Variants in SCIMP observed in about 807,000 individuals in gnomAD.
SCIMP encodes the protein SLP adaptor and CSK interacting membrane protein, also known as SLP adapter and CSK-interacting membrane protein.
SCIMP carries 18 observed loss-of-function variants against 22.0 expected under a neutral mutation model. The ratio of observed to expected loss-of-function variants is 0.82; its 90% CI spans 0.56 to 1.21. The LOEUF (loss-of-function observed/expected upper bound fraction) is 1.21. SCIMP is among the 50% of genes most tolerant of loss of function. SCIMP has a pLI of 0.00. For synonymous variants in SCIMP, 53 were observed against 62.2 expected (o/e 0.85, Z 0.70); for missense variants, 155 against 171.2 (o/e 0.91, Z 0.53).
intron 1 of SCIMP, among the ~76,000 whole-genome samples, chr17:5,224,331 G>A (rs1265779347): frequency 1.3e-5 from 2 of 151,982 alleles, no homozygotes; most frequent in African/African-American, 4.8e-5. Flanking sequence ...TAGAGACGGG[G>A]TTTCACCGTG....
intron 1 of SCIMP, among the ~76,000 whole-genome samples, chr17:5,232,895 A>T (rs1310125660): frequency 6.6e-6 from 1 of 152,062 alleles, no homozygotes; most frequent in African/African-American, 2.4e-5. Context: ...TATTTTTAGT[A>T]GAGATGGGGT....
Position 5,210,957 on chromosome 17 carries a change from T to C in SCIMP, c.284-2A>G, listed in dbSNP as rs2074522227. On this transcript the variant is annotated splice_acceptor_variant, in intron 4 of 4. Coordinates refer to ENST00000574081, the MANE Select transcript of SCIMP (RefSeq NM_207103.3). LOFTEE classifies it high-confidence loss of function. ...GCTGACTTGGGGCTTCCTGTGGGGC[T>C]AGAATACACAAAAAGCTCCTTAGAT... 3.1e-6 allele frequency: 5 copies of C among 1,598,794 alleles called. No homozygotes were observed. The highest frequency in any genetic ancestry group is 3.4e-6 in the Non-Finnish European group (4 of 1,176,116).
chr17:5,218,179 C>T (rs1441915571), intron 3 of SCIMP, among the ~76,000 whole-genome samples: 1 of 151,846 alleles, frequency 6.6e-6, no homozygotes, highest in Non-Finnish European at 1.5e-5. Context: ...GCAGACACCA[C>T]CACACCTGGC....
chr17:5,212,053 A>AAAAG (rs576895516), intron 4 of SCIMP, among the ~76,000 whole-genome samples: 4 of 152,136 alleles, frequency 2.6e-5, no homozygotes, highest in Admixed American at 1.3e-4. Flanking sequence ...GTCTCAAAAA[A>AAAAG]AAAGAAAGAA....
rs527963667 is a variant in SCIMP at position 5,210,696 on chromosome 17, G to A, written c.*105C>T. On this transcript the variant is annotated 3_prime_UTR_variant, in exon 5 of 5. Transcript: ENST00000574081. ...TATAGAGCTTCATAAAATCACCACT[G>A]GCTTTCAGGGCCCAGAGACCTACTG... is the stretch of plus-strand genomic sequence containing the variant. 18 of 1,441,448 alleles carry A rather than the reference G, an allele frequency of 1.2e-5. No individual in the cohort carries two copies. In the African/African-American group the frequency reaches 2.3e-4, roughly 18 times the overall value. The allele number at this position is 1,441,448 out of a possible 1,614,324, so 89.3% of individuals were successfully genotyped here.
chr17:5,228,901 T>C (rs1302834518), intron 1 of SCIMP, among the ~76,000 whole-genome samples: 5 of 152,126 alleles, frequency 3.3e-5, no homozygotes, highest in African/African-American at 1.2e-4. Context: ...CCCAGTCTCT[T>C]TCCCCTGCTA....
At chr17:5,212,439 C>T (rs556342314) in intron 4 of SCIMP, among the ~76,000 whole-genome samples, 83 of 152,100 alleles carry the variant, frequency 5.5e-4, no homozygotes, top group Non-Finnish European at 9.8e-4. Context: ...TCGAGATCAT[C>T]CTTGCTAACA....
intron 1 of SCIMP, among the ~76,000 whole-genome samples, chr17:5,231,683 C>T (rs1047115823): frequency 2.6e-5 from 4 of 152,162 alleles, no homozygotes; most frequent in African/African-American, 4.8e-5. Flanking sequence ...ACCCCATCTT[C>T]GAGGAAGTGG....
intron 1 of SCIMP, among the ~76,000 whole-genome samples, chr17:5,224,292 G>T (rs754573889): frequency 6.6e-6 from 1 of 151,656 alleles, no homozygotes; most frequent in Non-Finnish European, 1.5e-5. Flanking sequence ...CCACGACCAC[G>T]CCCGGCTGAT....
chr17:5,222,065 CACTGCACCTGGCAGGAATGAAAACT>C (rs2074612242), intron 2 of SCIMP, among the ~76,000 whole-genome samples: 2 of 151,446 alleles, frequency 1.3e-5, no homozygotes, highest in Non-Finnish European at 2.9e-5. Context: ...AGGCGTGGGC[CACTGCACCTGGCAGGAATGAAAACT>C]TGTTTTTTTT....
chr17:5,225,255 A>G (rs1267153750), intron 1 of SCIMP, among the ~76,000 whole-genome samples: 1 of 152,140 alleles, frequency 6.6e-6, no homozygotes, highest in African/African-American at 2.4e-5. Context: ...ACTTCAGGTC[A>G]GGAGTTCAAG....
At chr17:5,219,756 A>G (rs2074592255) in intron 3 of SCIMP, among the ~76,000 whole-genome samples, 2 of 152,112 alleles carry the variant, frequency 1.3e-5, no homozygotes, top group Non-Finnish European at 1.5e-5. Flanking sequence ...GCCATGTTTG[A>G]TCAATTTGAT....
rs2074580196 is a variant in SCIMP at position 5,218,257 on chromosome 17, C to G, written c.209+3030G>C. On this transcript the variant is annotated intron_variant, in intron 3 of 4. Coordinates refer to ENST00000574081, the MANE Select transcript of SCIMP (RefSeq NM_207103.3). ...CCCAGGCTGGTTTCAAACTCCTGGC[C>G]TCAAGCCATCCTCCCACTTGGGCCT... Among the ~76,000 whole-genome samples the G allele has an allele frequency of 1.9e-5, 2 of 103,590 alleles. 1 individual carries two copies. Among genetic ancestry groups the G allele is most frequent in the South Asian group, 7.4e-4 (2 of 2,692 alleles). The allele number at this position is 103,590 out of a possible 152,430, so 68.0% of individuals were successfully genotyped here.
At chr17:5,227,323 A>ACACACACT (rs776010245) in intron 1 of SCIMP, among the ~76,000 whole-genome samples, 1 of 148,556 alleles carries the variant, frequency 6.7e-6, no homozygotes, top group Non-Finnish European at 1.5e-5. Context: ...ACACACACAC[A>ACACACACT]CTCTTACACT....
intron 1 of SCIMP, among the ~76,000 whole-genome samples, chr17:5,231,007 T>A (rs551521776): frequency 6.6e-6 from 1 of 152,302 alleles, no homozygotes; most frequent in African/African-American, 2.4e-5. Flanking sequence ...GGACTTCCAC[T>A]AGCTTCCTGC....
chr17:5,233,801 C>G (rs2074721598), intron 1 of SCIMP: 1 of 152,244 alleles, frequency 6.6e-6, no homozygotes, highest in Non-Finnish European at 1.5e-5. Flanking sequence ...AAACCCAGAT[C>G]TCTTCTCAAA....
chr17:5,230,939 T>G (rs2074688976), intron 1 of SCIMP, among the ~76,000 whole-genome samples: 1 of 152,152 alleles, frequency 6.6e-6, no homozygotes, highest in African/African-American at 2.4e-5. Context: ...AGACCCTGTC[T>G]TTAAAAAAGA....
rs2074518583 is a variant in SCIMP at position 5,210,462 on chromosome 17, G to A, written c.*339C>T. On this transcript the variant is annotated 3_prime_UTR_variant, in exon 5 of 5. Coordinates refer to ENST00000574081, the MANE Select transcript of SCIMP (RefSeq NM_207103.3). ...TCACTCAGAACCATGCAAACCAAAG[G>A]GAATGAAGGGGGAAAGAATGCCAAG... is the stretch of plus-strand genomic sequence containing the variant. 4.6e-6 allele frequency: 1 copy of A among 217,492 alleles called. No homozygotes were observed. Among genetic ancestry groups the A allele is most frequent in the South Asian group, 8.6e-5 (1 of 11,612 alleles). The allele number at this position is 217,492 out of a possible 1,614,324, so 13.5% of individuals were successfully genotyped here.
intron 3 of SCIMP, among the ~76,000 whole-genome samples, chr17:5,219,805 C>T (rs1330318391): frequency 6.6e-6 from 1 of 152,032 alleles, no homozygotes; most frequent in Non-Finnish European, 1.5e-5. Flanking sequence ...CATGACTAAC[C>T]CCCAGTAAAA....
Sources: gnomAD v4.1 joint callset for allele counts (sites outside exome capture counted in the v4.1 genomes callset) on GRCh38, gnomAD v4.1.1 for gene constraint, MANE v1.5 for transcripts, NCBI Gene and HGNC (gene_info 2026-07-23, HGNC 2026-07-21) for gene names.